The following GRIP1 variants were observed in gnomAD, a reference collection of about 807,000 sequenced individuals.
GRIP1 encodes glutamate receptor interacting protein 1.
In GRIP1, 45 loss-of-function variants were observed where a neutral mutation model predicts 129.9. The observed-to-expected ratio is 0.35, with a 90% CI of 0.27 to 0.44. GRIP1 has a LOEUF of 0.44. GRIP1 is among the 20% of genes least tolerant of loss of function. GRIP1 has a pLI of 1.00. For missense variants in GRIP1, 1,196 were observed against 1,396.8 expected, an observed-to-expected ratio of 0.86 and a Z score of 2.29; for synonymous variants, 530 against 520.8, an observed-to-expected ratio of 1.02 and a Z score of -0.24.
At chr12:66,656,707 GCAAA>G (rs1287576392) in intron 1 of GRIP1, among the ~76,000 whole-genome samples, 4 of 152,152 alleles carry the variant, frequency 2.6e-5, no homozygotes, top group African/African-American at 9.7e-5. Context: ...TGTTTAATAT[GCAAA>G]CAGTGTATCT....
At chr12:66,508,480 C>G (rs1257610625) in intron 7 of GRIP1, among the ~76,000 whole-genome samples, 1 of 152,060 alleles carries the variant, frequency 6.6e-6, no homozygotes, top group Non-Finnish European at 1.5e-5. Flanking sequence ...GAAAGTATTA[C>G]AGAGAGTGCT....
chr12:66,943,095 GA>G (rs1283854005), intron 1 of GRIP1, among the ~76,000 whole-genome samples: 1 of 152,194 alleles, frequency 6.6e-6, no homozygotes, highest in Non-Finnish European at 1.5e-5. Flanking sequence ...AAAAATTTGG[GA>G]GATTCTTTTG....
chr12:66,924,897 G>C (rs1466620633), intron 1 of GRIP1, among the ~76,000 whole-genome samples: 1 of 152,202 alleles, frequency 6.6e-6, no homozygotes, highest in East Asian at 1.9e-4. Flanking sequence ...GTGAACCCGG[G>C]AGGTGGAGCT....
chr12:67,014,408 T>C (rs966075297), intron 1 of GRIP1, among the ~76,000 whole-genome samples: 9 of 152,102 alleles, frequency 5.9e-5, no homozygotes, highest in Non-Finnish European at 1.2e-4. Context: ...GCACTCACAA[T>C]GACAAATGAA....
chr12:66,932,554 C>G (rs889547572), intron 1 of GRIP1, among the ~76,000 whole-genome samples: 7 of 151,336 alleles, frequency 4.6e-5, no homozygotes, highest in African/African-American at 7.3e-5. Context: ...GGACATCAAC[C>G]CTGAATTGAG....
At chr12:66,876,700 G>T (rs982826564) in intron 1 of GRIP1, among the ~76,000 whole-genome samples, 9 of 151,954 alleles carry the variant, frequency 5.9e-5, no homozygotes, top group Non-Finnish European at 1.2e-4. Flanking sequence ...TGCACAACTG[G>T]GGCAGCAACC....
chr12:66,789,773 A>T (rs1479699216), intron 1 of GRIP1, among the ~76,000 whole-genome samples: 2 of 152,142 alleles, frequency 1.3e-5, no homozygotes, highest in Non-Finnish European at 2.9e-5. Flanking sequence ...ATCTTAATTT[A>T]TTCTCTGTGA....
chr12:66,603,539 G>C (rs1029827122), intron 1 of GRIP1, among the ~76,000 whole-genome samples: 1 of 152,184 alleles, frequency 6.6e-6, no homozygotes, highest in African/African-American at 2.4e-5. Context: ...TTGTATGCAC[G>C]TTCATGTTTG....
chr12:66,431,655 C>T (rs2058151232), intron 14 of GRIP1, among the ~76,000 whole-genome samples: 1 of 152,158 alleles, frequency 6.6e-6, no homozygotes, highest in Non-Finnish European at 1.5e-5. Context: ...AAGAAACCAG[C>T]TCTTGGTCAC....
chr12:66,948,914 CA>C (rs2041712510), intron 1 of GRIP1, among the ~76,000 whole-genome samples: 1 of 152,160 alleles, frequency 6.6e-6, no homozygotes, highest in African/African-American at 2.4e-5. Flanking sequence ...CGCCTACTTT[CA>C]CTCTCATTTT....
intron 7 of GRIP1, among the ~76,000 whole-genome samples, chr12:66,504,815 C>T (rs971567523): frequency 2.6e-5 from 4 of 152,142 alleles, no homozygotes; most frequent in Non-Finnish European, 5.9e-5. Flanking sequence ...TAGAAAAAAT[C>T]TCAAAAGCTA....
At position 66,409,559 on chromosome 12, in the gene GRIP1, CAAG is replaced by C. The variant is rs144035591; in HGVS notation, c.1839-3134_1839-3132del. Among the ~76,000 whole-genome samples, 991 of 152,250 alleles carry C rather than the reference CAAG, an allele frequency of 6.5e-3. 15 individuals carry two copies. Among genetic ancestry groups the C allele is most frequent in the African/African-American group, 0.022 (934 of 41,526 alleles). On this transcript the variant is annotated intron_variant, in intron 15 of 24. Transcript: ENST00000359742. ...CCTTCGAATACTTAGAAAGCCTTCC[CAAG>C]AAGGACAGGTACAAACAAGCCCAGA...
intron 7 of GRIP1, among the ~76,000 whole-genome samples, chr12:66,472,294 C>T (rs942746589): frequency 1.3e-5 from 2 of 152,136 alleles, no homozygotes; most frequent in African/African-American, 2.4e-5. Flanking sequence ...CAAAGATGGA[C>T]ATTTACTATT....
chr12:66,719,552 G>T (rs1429398465), intron 1 of GRIP1, among the ~76,000 whole-genome samples: 1 of 152,084 alleles, frequency 6.6e-6, no homozygotes, highest in Non-Finnish European at 1.5e-5. Context: ...TTCAGGGGAG[G>T]ACTCAAAAGT....
intron 1 of GRIP1, among the ~76,000 whole-genome samples, chr12:66,865,006 G>A (rs2040177741): frequency 6.6e-6 from 1 of 152,110 alleles, no homozygotes; most frequent in East Asian, 1.9e-4. Context: ...AAGCAGCATT[G>A]TTTGTATATG....
chr12:66,734,212 A>C (rs1283430807), intron 1 of GRIP1, among the ~76,000 whole-genome samples: 2 of 152,168 alleles, frequency 1.3e-5, no homozygotes, highest in African/African-American at 4.8e-5. Flanking sequence ...ACTTTTTTAC[A>C]ACCTTATTTT....
In GRIP1 at chr12:66,586,236, C is replaced by T. The variant is rs190001065; in HGVS notation, c.136+10611G>A. 2.9e-3 allele frequency among the ~76,000 whole-genome samples: 445 copies of T among 152,268 alleles called. 3 individuals are homozygous for T. Among genetic ancestry groups the T allele is most frequent in the Non-Finnish European group, 5.3e-3 (359 of 68,022 alleles). ...ATCTATTTTTGTCAGGGTCACCAAA[C>T]CTCTCTTCTTATAGAATCTTATGGC... On this transcript the variant is annotated intron_variant, in intron 2 of 24. Coordinates refer to ENST00000359742, the MANE Select transcript of GRIP1 (RefSeq NM_001366722.1).
At chr12:66,950,186 A>G (rs752113360) in intron 1 of GRIP1, among the ~76,000 whole-genome samples, 17 of 152,222 alleles carry the variant, frequency 1.1e-4, no homozygotes, top group Non-Finnish European at 2.4e-4. Flanking sequence ...CTGAAAGCCA[A>G]ATTTAATGAC....
At chr12:66,875,106 T>C (rs1303508690) in intron 1 of GRIP1, among the ~76,000 whole-genome samples, 1 of 152,108 alleles carries the variant, frequency 6.6e-6, no homozygotes, top group Non-Finnish European at 1.5e-5. Context: ...ATTTGTAAAA[T>C]GACACAATTA....
Sources: allele counts gnomAD v4.1 joint callset (sites outside exome capture counted in the v4.1 genomes callset), GRCh38; gene constraint gnomAD v4.1.1; transcripts MANE v1.5; gene names NCBI Gene and HGNC (gene_info 2026-07-23, HGNC 2026-07-21).